Variants in EXOC4 observed in about 807,000 individuals in gnomAD.
EXOC4 encodes exocyst complex component 4.
Under a neutral mutation model 107.2 loss-of-function variants are expected in EXOC4, and 71 were observed. The observed-to-expected ratio is 0.66, with a 90% confidence interval of 0.55 to 0.81. The LOEUF is 0.81. EXOC4 is among the 30% of genes least tolerant of loss of function. The pLI, the probability that EXOC4 is intolerant of heterozygous loss-of-function variation, is 0.00. For missense variants in EXOC4, 1,108 were observed against 1,189.6 expected (o/e 0.93, Z 1.01); for synonymous variants, 456 against 441.2 (o/e 1.03, Z -0.42).
chr7:134,021,722 G>GAAAAAAAAAA (rs60762484), intron 17 of EXOC4, among the ~76,000 whole-genome samples: 1 of 53,740 alleles, frequency 1.9e-5, no homozygotes, highest in Non-Finnish European at 3.5e-5. Flanking sequence ...AGTCAAACCA[G>GAAAAAAAAAA]AAAAAAAAAA....
At chr7:133,850,877 A>C (rs1290740261) in intron 11 of EXOC4, among the ~76,000 whole-genome samples, 1 of 152,132 alleles carries the variant, frequency 6.6e-6, no homozygotes, top group Admixed American at 6.5e-5. Context: ...TGGCAAAACA[A>C]GTTTGCTTTC....
At chr7:133,680,768 T>G (rs888502658) in intron 10 of EXOC4, among the ~76,000 whole-genome samples, 8 of 152,214 alleles carry the variant, frequency 5.3e-5, no homozygotes, top group Admixed American at 5.2e-4. Flanking sequence ...TTTCCCACTT[T>G]AAATACATCA....
intron 9 of EXOC4, among the ~76,000 whole-genome samples, chr7:133,557,394 A>G (rs2150947313): frequency 6.6e-6 from 1 of 152,222 alleles, no homozygotes; most frequent in Non-Finnish European, 1.5e-5. Context: ...TAAGTTGTGT[A>G]TTGATTCTCT....
intron 14 of EXOC4, among the ~76,000 whole-genome samples, chr7:133,967,266 C>A (rs915465655): frequency 7.3e-6 from 1 of 137,418 alleles, no homozygotes; most frequent in African/African-American, 2.8e-5. Flanking sequence ...TCTTAAAAAA[C>A]CAGCTCCTGG....
intron 9 of EXOC4, among the ~76,000 whole-genome samples, chr7:133,485,635 T>TTAA (rs1158470083): frequency 6.6e-6 from 1 of 152,220 alleles, no homozygotes; most frequent in Non-Finnish European, 1.5e-5. Flanking sequence ...TTTAACTTTG[T>TTAA]TAACTTCCTT....
chr7:133,956,287 AAAGT>A (rs1302439414), intron 14 of EXOC4, among the ~76,000 whole-genome samples: 2 of 152,270 alleles, frequency 1.3e-5, no homozygotes, highest in East Asian at 3.9e-4. Context: ...CATAAAACTT[AAAGT>A]AAGTGTTAAA....
At chr7:133,855,130 T>TATATATAAATATATATATAA (rs1478685420) in intron 11 of EXOC4, among the ~76,000 whole-genome samples, 6 of 105,976 alleles carry the variant, frequency 5.7e-5, no homozygotes, top group African/African-American at 1.5e-4. Context: ...TATATATAAA[T>TATATATAAATATATATATAA]ATATATATAT....
At chr7:133,465,431 T>C (rs1181394283) in intron 7 of EXOC4, among the ~76,000 whole-genome samples, 1 of 152,074 alleles carries the variant, frequency 6.6e-6, no homozygotes, top group East Asian at 1.9e-4. Context: ...TAGTGGAAAA[T>C]TCAGTGATTA....
intron 9 of EXOC4, among the ~76,000 whole-genome samples, chr7:133,617,334 TAA>T (rs1403553432): frequency 6.6e-6 from 1 of 152,124 alleles, no homozygotes; most frequent in Non-Finnish European, 1.5e-5. Flanking sequence ...GACTGTTCCA[TAA>T]AGAGAGGGTT....
intron 7 of EXOC4, among the ~76,000 whole-genome samples, chr7:133,426,017 G>A (rs1486943482): frequency 2.6e-5 from 4 of 152,200 alleles, no homozygotes; most frequent in Non-Finnish European, 4.4e-5. Context: ...CCTTGGGCAC[G>A]TGTTCTCAGG....
At chr7:133,369,800 CTTTTTT>C (rs35258276) in intron 6 of EXOC4, among the ~76,000 whole-genome samples, 157 of 86,670 alleles carry the variant, frequency 1.8e-3, no homozygotes, top group South Asian at 5.9e-3. Flanking sequence ...ACTAGATTTC[CTTTTTT>C]TTTTTTTTTT....
intron 9 of EXOC4, among the ~76,000 whole-genome samples, chr7:133,578,523 C>A (rs751766731): frequency 2.0e-5 from 3 of 151,934 alleles, no homozygotes; most frequent in Middle Eastern, 3.2e-3. Context: ...TATATATAAC[C>A]CTGACATGGT....
In EXOC4 at chr7:133,841,764, A is replaced by G. The variant is rs142792581; in HGVS notation, c.1734+24220A>G. Among the ~76,000 whole-genome samples, 364 of 152,318 alleles carry G rather than the reference A, an allele frequency of 2.4e-3. 5 individuals are homozygous for G. The highest frequency in any genetic ancestry group is 8.2e-3 in the African/African-American group (340 of 41,566). ...ATATACAGATTATTTCATCACCCAC[A>G]TAATAAGCATAGTACCCAATAGGTA... On this transcript the variant is annotated intron_variant, in intron 11 of 17. Transcript: ENST00000253861.
chr7:133,805,817 T>C (rs1288616127), intron 10 of EXOC4, among the ~76,000 whole-genome samples: 1 of 152,170 alleles, frequency 6.6e-6, no homozygotes, highest in Admixed American at 6.5e-5. Flanking sequence ...AGTCATATAT[T>C]TTATAAGTTG....
chr7:133,927,231 C>T (rs1234248006), intron 13 of EXOC4, among the ~76,000 whole-genome samples: 2 of 151,874 alleles, frequency 1.3e-5, no homozygotes, highest in African/African-American at 4.8e-5. Context: ...CACTGGCCTA[C>T]ATTCTGGTCC....
At chr7:133,540,348 A>G (rs1800355065) in intron 9 of EXOC4, among the ~76,000 whole-genome samples, 1 of 152,188 alleles carries the variant, frequency 6.6e-6, no homozygotes, top group South Asian at 2.1e-4. Flanking sequence ...TCAACGAACC[A>G]CTAATAGAAA....
At chr7:133,567,318 A>G (rs1488881353) in intron 9 of EXOC4, among the ~76,000 whole-genome samples, 1 of 151,786 alleles carries the variant, frequency 6.6e-6, no homozygotes, top group East Asian at 1.9e-4. Flanking sequence ...ACTGTTCTGA[A>G]CATCATTTTT....
chr7:133,530,659 G>A (rs555375073), intron 9 of EXOC4, among the ~76,000 whole-genome samples: 107 of 152,288 alleles, frequency 7.0e-4, no homozygotes, highest in African/African-American at 2.4e-3. Flanking sequence ...GAAAGCACAT[G>A]TAGAGTTACT....
intron 13 of EXOC4, among the ~76,000 whole-genome samples, chr7:133,927,431 T>C (rs1800077206): frequency 6.6e-6 from 1 of 152,192 alleles, no homozygotes; most frequent in Admixed American, 6.5e-5. Context: ...AAAGTTCCTG[T>C]TGGGAATTTG....
Sources: allele counts gnomAD v4.1 joint callset (sites outside exome capture counted in the v4.1 genomes callset), GRCh38; gene constraint gnomAD v4.1.1; transcripts MANE v1.5; gene names NCBI Gene and HGNC (gene_info 2026-07-23, HGNC 2026-07-21).